BRWD1: variants seen among roughly 807,000 people sequenced by gnomAD.
BRWD1 encodes bromodomain and WD repeat-containing protein 1.
A neutral mutation model predicts 251.2 loss-of-function variants in BRWD1; 82 were observed. The ratio of observed to expected loss-of-function variants is 0.33; its 90% CI spans 0.27 to 0.39. BRWD1 has a LOEUF of 0.39. BRWD1 is among the 10% of genes least tolerant of loss of function. The probability of loss-of-function intolerance (pLI) is 1.00; values close to 1 mark genes in which losing one functional copy is unlikely to be tolerated. For synonymous variants in BRWD1, 918 were observed against 902.8 expected (o/e 1.02, Z -0.30); for missense variants, 2,233 against 2,711.6 (o/e 0.82, Z 3.92).
At chr21:39,234,081 T>C (rs2033723690) in intron 23 of BRWD1, among the ~76,000 whole-genome samples, 1 of 152,120 alleles carries the variant, frequency 6.6e-6, no homozygotes, top group African/African-American at 2.4e-5. Context: ...ATGAAGTGTA[T>C]CAAAGTCAAT....
intron 20 of BRWD1, among the ~76,000 whole-genome samples, chr21:39,250,425 C>G (rs760685083): frequency 5.9e-5 from 9 of 151,328 alleles, no homozygotes; most frequent in Non-Finnish European, 1.3e-4. Context: ...ATGAAATTAC[C>G]AGACCTGTTT....
At chr21:39,250,994 C>T in intron 19 of BRWD1, 105 bp from the exon 20 acceptor site, 1 of 663,440 alleles carries the variant, frequency 1.5e-6, no homozygotes, top group Non-Finnish European at 2.5e-6. Context: ...AGTTTATGTA[C>T]TTTAAAAATA....
At chr21:39,290,350 G>A (rs925183578) in intron 8 of BRWD1, among the ~76,000 whole-genome samples, 3 of 151,970 alleles carry the variant, frequency 2.0e-5, no homozygotes, top group Non-Finnish European at 2.9e-5. Flanking sequence ...TTAGCCGGGC[G>A]TGGTGGCACG....
Position 39,294,014 on chromosome 21 carries a change from CCAAA to C in BRWD1, c.624_627del (p.Cys208TrpfsTer2), listed in dbSNP as rs1244271898. ...CCATTATGTGTTGACCAAATCTTTACCAAACAGTCATCTGAACCCTAAGAAAAAA... is the reference window on the plus strand; with the variant it reads ...CCATTATGTGTTGACCAAATCTTTACCAGTCATCTGAACCCTAAGAAAAAA... On this transcript the variant is annotated frameshift_variant, in exon 8 of 41. Transcript: ENST00000342449. LOFTEE classifies it high-confidence loss of function. The C allele has an allele frequency of 2.1e-5, 34 of 1,613,920 alleles. No homozygotes were observed. The highest frequency in any genetic ancestry group is 5.0e-5 in the Admixed American group (3 of 59,992).
At chr21:39,206,699 T>G (rs1368673625) in intron 36 of BRWD1, among the ~76,000 whole-genome samples, 1 of 152,220 alleles carries the variant, frequency 6.6e-6, no homozygotes, top group Non-Finnish European at 1.5e-5. Flanking sequence ...TATATACCCA[T>G]CTCTGTCTGC....
At chr21:39,312,761 CG>C in intron 4 of BRWD1, 79 bp downstream of exon 4, 1 of 1,219,032 alleles carries the variant, frequency 8.2e-7, no homozygotes, top group African/African-American at 1.6e-5. Flanking sequence ...CCCCACGGGC[CG>C]GGGTCCCCGC....
chr21:39,286,953 GTCA>G (rs577826773), intron 8 of BRWD1, among the ~76,000 whole-genome samples: 3 of 152,090 alleles, frequency 2.0e-5, no homozygotes, highest in Middle Eastern at 6.8e-3. Flanking sequence ...CCATACACTG[GTCA>G]TCAAGATTCA....
At chr21:39,310,199 T>C (rs555971434) in intron 4 of BRWD1, among the ~76,000 whole-genome samples, 31 of 152,278 alleles carry the variant, frequency 2.0e-4, no homozygotes, top group Middle Eastern at 3.4e-3. Flanking sequence ...AAAGTAAATA[T>C]AGCAAGTTAG....
rs144710075 is a variant in BRWD1, at chr21:39,214,614, T to C, written c.3785+623A>G. On this transcript the variant is annotated intron_variant, in intron 32 of 40. Coordinates refer to ENST00000342449, the MANE Select transcript of BRWD1 (RefSeq NM_033656.4). ...AAATAAATTCTACACTTTCTGTCAA[T>C]AGCATGGTACCAAGATTTTTTTTTT... Among the ~76,000 whole-genome samples, 130 of 152,074 alleles carry C rather than the reference T, an allele frequency of 8.5e-4. 1 individual carries two copies. Among genetic ancestry groups the C allele is most frequent in the African/African-American group, 2.7e-3 (112 of 41,528 alleles).
chr21:39,267,366 C>G (rs931235559), intron 15 of BRWD1, among the ~76,000 whole-genome samples: 2 of 152,054 alleles, frequency 1.3e-5, no homozygotes, highest in Non-Finnish European at 2.9e-5. Flanking sequence ...GAGGCCGAGG[C>G]GGGCGGATCA....
chr21:39,231,676 G>A (rs1425796297), intron 25 of BRWD1, among the ~76,000 whole-genome samples: 1 of 152,108 alleles, frequency 6.6e-6, no homozygotes, highest in African/African-American at 2.4e-5. Context: ...CCAGCAATCT[G>A]AATAACTGTT....
Position 39,264,446 on chromosome 21 carries a change from A to AT in BRWD1, c.1885+13_1885+14insA. On this transcript the variant is annotated intron_variant, in intron 17 of 40. Coordinates refer to ENST00000342449, the MANE Select transcript of BRWD1 (RefSeq NM_033656.4). ...ACAACTTTAAAAAAAAAAAAAAAAA[A>AT]AGACTGCACTTACTTGTTGCCACAT... 1.4e-6 allele frequency: 2 copies of AT among 1,431,852 alleles called. No individual in the cohort carries two copies. The highest frequency in any genetic ancestry group is 1.9e-6 in the Non-Finnish European group (2 of 1,069,056). 88.7% of individuals were successfully genotyped at this position (1,431,852 alleles called of 1,614,324 possible).
intron 8 of BRWD1, among the ~76,000 whole-genome samples, chr21:39,290,158 C>G (rs575211658): frequency 2.2e-4 from 34 of 152,180 alleles, no homozygotes; most frequent in Admixed American, 7.9e-4. Flanking sequence ...CACTAATTCT[C>G]TCTTCAGTTT....
At chr21:39,298,120 G>C in intron 5 of BRWD1, 7 of 1,023,050 alleles carry the variant, frequency 6.8e-6, no homozygotes, top group Non-Finnish European at 8.2e-6. Flanking sequence ...TACATTCAAT[G>C]AAGTTATGAG....
rs531617010 is a variant in BRWD1, at chr21:39,193,573, C to T, written c.*2686G>A. 2 of 985,400 alleles carry T rather than the reference C, an allele frequency of 2.0e-6. No homozygotes were observed. Among genetic ancestry groups the T allele is most frequent in the Admixed American group, 1.2e-4 (2 of 16,220 alleles). 61.0% of individuals were successfully genotyped at this position (985,400 alleles called of 1,614,324 possible). A position where few individuals can be genotyped will look rare whatever the true frequency, so the allele number is the denominator to read the frequency against. On this transcript the variant is annotated 3_prime_UTR_variant, in exon 41 of 41. Transcript: ENST00000342449. Reference sequence around the variant, plus strand: ...CCTGTAAAACCATAAATGAATAAAACCATAGGACTTTGGACATACACAACC... The same window carrying T: ...CCTGTAAAACCATAAATGAATAAAATCATAGGACTTTGGACATACACAACC...
At chr21:39,295,531 C>T (rs1300373743) in intron 7 of BRWD1, among the ~76,000 whole-genome samples, 7 of 151,580 alleles carry the variant, frequency 4.6e-5, no homozygotes, top group Non-Finnish European at 5.9e-5. Context: ...CATTTAAGAA[C>T]GACTACTCTA....
chr21:39,273,733 G>A (rs992595353), intron 13 of BRWD1, among the ~76,000 whole-genome samples: 5 of 152,146 alleles, frequency 3.3e-5, no homozygotes, highest in Admixed American at 1.3e-4. Context: ...CAGCCTGGGC[G>A]ATGGAGTGAG....
In BRWD1 at chr21:39,188,285, C is replaced by A. The variant is rs2031357591; in HGVS notation, c.*7974G>T. 1.0e-6 allele frequency: 1 copy of A among 985,242 alleles called. No homozygotes were observed. Among genetic ancestry groups the A allele is most frequent in the Non-Finnish European group, 1.2e-6 (1 of 829,910 alleles). The allele number at this position is 985,242 out of a possible 1,614,324, so 61.0% of individuals were successfully genotyped here. ...CTAAAACTGCCTTCATGGTACACAC[C>A]AATCTTGATGGCAGTTTGTTTTGTA... is the stretch of plus-strand genomic sequence containing the variant. On this transcript the variant is annotated 3_prime_UTR_variant, in exon 41 of 41. Coordinates refer to ENST00000342449, the MANE Select transcript of BRWD1 (RefSeq NM_033656.4).
rs1453658425 is a variant in BRWD1 at position 39,189,544 on chromosome 21, T to C, written c.*6715A>G. 5 of 983,784 alleles carry C rather than the reference T, an allele frequency of 5.1e-6. No individual in the cohort carries two copies. Among genetic ancestry groups the C allele is most frequent in the Non-Finnish European group, 6.0e-6 (5 of 828,622 alleles). The allele number at this position is 983,784 out of a possible 1,614,324, so 60.9% of individuals were successfully genotyped here. On this transcript the variant is annotated 3_prime_UTR_variant, in exon 41 of 41. Transcript: ENST00000342449. ...TTAAGGAAATTTGAACTTCAGTAAC[T>C]ATGCCCAAGGGAGGGAGAATTTGAA...
Sources: gnomAD v4.1 joint callset for allele counts (sites outside exome capture counted in the v4.1 genomes callset) on GRCh38, gnomAD v4.1.1 for gene constraint, MANE v1.5 for transcripts, NCBI Gene and HGNC (gene_info 2026-07-23, HGNC 2026-07-21) for gene names.